GRM8: variants seen among roughly 807,000 people sequenced by gnomAD.
The protein encoded by GRM8 is metabotropic glutamate receptor 8.
In GRM8, 47 loss-of-function variants were observed where a neutral mutation model predicts 87.2. The observed-to-expected ratio is 0.54, with a 90% CI of 0.43 to 0.69. The LOEUF (loss-of-function observed/expected upper bound fraction) is 0.69. Among genes scored for constraint, GRM8 ranks in the 30% least tolerant of loss-of-function variants. The pLI is 0.00. For synonymous variants in GRM8, 396 were observed against 404.5 expected (o/e 0.98, Z 0.25); for missense variants, 1,019 against 1,139.2 (o/e 0.89, Z 1.52).
intron 1 of GRM8, chr7:127,251,123 G>A (rs1452131723): frequency 6.6e-6 from 1 of 152,174 alleles, no homozygotes; most frequent in Non-Finnish European, 1.5e-5. Flanking sequence ...TTGCTTAGGG[G>A]ACTTAAGGGT....
At chr7:127,074,311 T>C (rs1822035472) in intron 3 of GRM8, among the ~76,000 whole-genome samples, 1 of 152,218 alleles carries the variant, frequency 6.6e-6, no homozygotes, top group South Asian at 2.1e-4. Context: ...TAATTCCACA[T>C]AGTCAATGTT....
intron 9 of GRM8, among the ~76,000 whole-genome samples, chr7:126,483,348 T>A (rs926840428): frequency 6.6e-6 from 1 of 151,372 alleles, no homozygotes; most frequent in Non-Finnish European, 1.5e-5. Flanking sequence ...TCAACACTTA[T>A]AACTAGACTT....
At chr7:127,059,633 G>A (rs1820418963) in intron 3 of GRM8, among the ~76,000 whole-genome samples, 1 of 152,054 alleles carries the variant, frequency 6.6e-6, no homozygotes, top group Non-Finnish European at 1.5e-5. Context: ...ACCGCGCCCG[G>A]CCCATATAAA....
chr7:127,121,005 A>C (rs1827056716), intron 2 of GRM8, among the ~76,000 whole-genome samples: 2 of 152,208 alleles, frequency 1.3e-5, no homozygotes, highest in African/African-American at 4.8e-5. Flanking sequence ...TGAAAATAAC[A>C]GATGAGTTTT....
intron 3 of GRM8, among the ~76,000 whole-genome samples, chr7:126,912,081 C>T (rs1052334903): frequency 2.6e-5 from 4 of 152,062 alleles, no homozygotes; most frequent in Non-Finnish European, 5.9e-5. Context: ...CCTGTAGTCC[C>T]AGCTACTTGG....
chr7:126,972,666 T>C (rs1435861654), intron 3 of GRM8, among the ~76,000 whole-genome samples: 1 of 152,212 alleles, frequency 6.6e-6, no homozygotes, highest in Non-Finnish European at 1.5e-5. Context: ...TCCTTTCCTC[T>C]TAGGAACAAA....
intron 2 of GRM8, among the ~76,000 whole-genome samples, chr7:127,227,215 T>C (rs1335888963): frequency 6.6e-6 from 1 of 152,116 alleles, no homozygotes; most frequent in Non-Finnish European, 1.5e-5. Context: ...GATGGATAAG[T>C]CGGGCTGCCG....
At chr7:127,034,152 C>T (rs1817639756) in intron 3 of GRM8, among the ~76,000 whole-genome samples, 1 of 152,160 alleles carries the variant, frequency 6.6e-6, no homozygotes. Context: ...AATACATTTT[C>T]TTTTCATGTA....
chr7:126,767,144 A>G (rs1818281866), intron 7 of GRM8, among the ~76,000 whole-genome samples: 2 of 152,274 alleles, frequency 1.3e-5, no homozygotes, highest in South Asian at 4.1e-4. Context: ...TTTTGAAGAT[A>G]GAGTCTTAAA....
intron 3 of GRM8, among the ~76,000 whole-genome samples, chr7:127,031,995 C>A (rs569800528): frequency 3.3e-5 from 5 of 152,210 alleles, no homozygotes; most frequent in African/African-American, 1.2e-4. Context: ...GTCTTGTCCT[C>A]CCTGTCCCAA....
chr7:127,214,124 T>C (rs1187865791), intron 2 of GRM8, among the ~76,000 whole-genome samples: 2 of 152,234 alleles, frequency 1.3e-5, no homozygotes, highest in African/African-American at 4.8e-5. Context: ...AATAAAATCT[T>C]TTTAATAGGC....
At chr7:127,115,025 T>C (rs764591857) in intron 2 of GRM8, among the ~76,000 whole-genome samples, 1 of 152,244 alleles carries the variant, frequency 6.6e-6, no homozygotes, top group East Asian at 1.9e-4. Context: ...TACAGAGTCA[T>C]GAACGGAAGC....
intron 6 of GRM8, among the ~76,000 whole-genome samples, chr7:126,868,080 G>C (rs1362316934): frequency 6.6e-6 from 1 of 152,178 alleles, no homozygotes; most frequent in African/African-American, 2.4e-5. Context: ...CAGGCTGGTG[G>C]GTGAGCTGAG....
intron 7 of GRM8, among the ~76,000 whole-genome samples, chr7:126,720,202 A>G (rs1812231894): frequency 6.6e-6 from 1 of 150,526 alleles, no homozygotes; most frequent in African/African-American, 2.4e-5. Context: ...AGACCGGAGT[A>G]CAGTGGCATA....
At chr7:126,696,914 C>A (rs896186166) in intron 7 of GRM8, among the ~76,000 whole-genome samples, 3 of 151,964 alleles carry the variant, frequency 2.0e-5, no homozygotes, top group African/African-American at 7.2e-5. Flanking sequence ...TAGAAATATC[C>A]GCACGCCAAT....
intron 7 of GRM8, among the ~76,000 whole-genome samples, chr7:126,634,654 GGCCTTCCT>G (rs1158602958): frequency 6.8e-6 from 1 of 146,460 alleles, no homozygotes; most frequent in Non-Finnish European, 1.5e-5. Context: ...TTCTCCCCCT[GGCCTTCCT>G]GCCTTCCTTC....
chr7:127,007,328 G>C (rs1814419139), intron 3 of GRM8, among the ~76,000 whole-genome samples: 1 of 151,946 alleles, frequency 6.6e-6, no homozygotes, highest in South Asian at 2.1e-4. Context: ...CTGTAGGAGA[G>C]ATTTTTATCT....
chr7:126,441,908 A>G (rs1438712048), intron 10 of GRM8, among the ~76,000 whole-genome samples: 2 of 151,976 alleles, frequency 1.3e-5, no homozygotes, highest in African/African-American at 4.8e-5. Context: ...TCTTATCTAC[A>G]TTGCTTATCC....
chr7:126,928,671 CAA>C (rs57576564), intron 3 of GRM8, among the ~76,000 whole-genome samples: 57 of 98,458 alleles, frequency 5.8e-4, no homozygotes, highest in African/African-American at 8.0e-4. Context: ...GACCCTGCCT[CAA>C]AAAAAAAAAA....
Sources: allele counts gnomAD v4.1 joint callset (sites outside exome capture counted in the v4.1 genomes callset), GRCh38; gene constraint gnomAD v4.1.1; transcripts MANE v1.5; gene names NCBI Gene and HGNC (gene_info 2026-07-23, HGNC 2026-07-21).